The following VWC2L variants were observed in gnomAD, a reference collection of about 807,000 sequenced individuals.
VWC2L encodes von Willebrand factor C domain containing 2 like, also known as von Willebrand factor C domain-containing protein 2-like.
VWC2L carries 10 observed loss-of-function variants against 21.6 expected under a neutral mutation model. The observed-to-expected ratio is 0.46, with a 90% confidence interval of 0.29 to 0.78. The LOEUF is 0.78. Ranked by LOEUF, VWC2L falls within the 30% of genes least tolerant of loss-of-function variation. The probability of loss-of-function intolerance (pLI) is 0.10; values close to 1 mark genes in which losing one functional copy is unlikely to be tolerated. For synonymous variants in VWC2L, 96 were observed against 94.3 expected (o/e 1.02, Z -0.10); for missense variants, 209 against 277.1 (o/e 0.75, Z 1.74).
At chr2:214,443,257 A>G (rs1702788256) in intron 3 of VWC2L, among the ~76,000 whole-genome samples, 1 of 152,140 alleles carries the variant, frequency 6.6e-6, no homozygotes, top group Non-Finnish European at 1.5e-5. Flanking sequence ...CTGTAATCCC[A>G]GCTACTCAGG....
chr2:214,457,915 C>T (rs1342028975), intron 3 of VWC2L, among the ~76,000 whole-genome samples: 1 of 151,996 alleles, frequency 6.6e-6, no homozygotes. Context: ...GGGATATTGA[C>T]CTGTAGTTTT....
At chr2:214,461,426 A>G (rs1219995915) in intron 3 of VWC2L, among the ~76,000 whole-genome samples, 1 of 152,182 alleles carries the variant, frequency 6.6e-6, no homozygotes, top group Non-Finnish European at 1.5e-5. Flanking sequence ...GCCAGTCCTC[A>G]GGCCCCCAAA....
intron 3 of VWC2L, among the ~76,000 whole-genome samples, chr2:214,488,620 C>T (rs1574593066): frequency 6.6e-6 from 1 of 152,042 alleles, no homozygotes; most frequent in Non-Finnish European, 1.5e-5. Context: ...AAAACAAAAA[C>T]CCTGTTAGGC....
chr2:214,422,178 G>A (rs1276526432), intron 2 of VWC2L, among the ~76,000 whole-genome samples: 8 of 151,908 alleles, frequency 5.3e-5, no homozygotes, highest in Admixed American at 2.0e-4. Context: ...GTGAGCCACC[G>A]CGCCCGGCCT....
intron 3 of VWC2L, among the ~76,000 whole-genome samples, chr2:214,503,379 TAAAGAA>T (rs767877301): frequency 1.0e-3 from 156 of 152,208 alleles, no homozygotes; most frequent in Non-Finnish European, 1.7e-3. Flanking sequence ...AAACTTAGGT[TAAAGAA>T]AATGTTTTAA....
intron 3 of VWC2L, among the ~76,000 whole-genome samples, chr2:214,556,379 T>C (rs1365833224): frequency 3.3e-5 from 5 of 152,226 alleles, no homozygotes; most frequent in African/African-American, 4.8e-5. Context: ...ACACAAACAG[T>C]TGGCAAATTT....
chr2:214,532,348 C>G (rs1246100447), intron 3 of VWC2L, among the ~76,000 whole-genome samples: 2 of 151,584 alleles, frequency 1.3e-5, no homozygotes, highest in African/African-American at 4.8e-5. Flanking sequence ...ATGGATATTA[C>G]TGAGGTAAGA....
intron 3 of VWC2L, among the ~76,000 whole-genome samples, chr2:214,473,517 C>T (rs1703340283): frequency 6.6e-6 from 1 of 152,102 alleles, no homozygotes; most frequent in African/African-American, 2.4e-5. Context: ...GTGAGAAAAG[C>T]ATGGAGGACA....
chr2:214,513,279 A>T (rs1217616799), intron 3 of VWC2L, among the ~76,000 whole-genome samples: 1 of 152,114 alleles, frequency 6.6e-6, no homozygotes, highest in African/African-American at 2.4e-5. Context: ...GGCTTCCTTC[A>T]TCTTGAAATT....
intron 2 of VWC2L, among the ~76,000 whole-genome samples, chr2:214,418,826 G>A (rs917482688): frequency 1.8e-4 from 27 of 152,202 alleles, no homozygotes; most frequent in African/African-American, 6.0e-4. Context: ...AGTTAAAATG[G>A]CACACATTGT....
At chr2:214,573,783 A>G (rs1214653468) in intron 3 of VWC2L, among the ~76,000 whole-genome samples, 1 of 152,218 alleles carries the variant, frequency 6.6e-6, no homozygotes, top group East Asian at 1.9e-4. Flanking sequence ...CCCAAGACCT[A>G]TGGAATTAAT....
chr2:214,465,070 A>G (rs1462388020), intron 3 of VWC2L, among the ~76,000 whole-genome samples: 1 of 152,116 alleles, frequency 6.6e-6, no homozygotes, highest in African/African-American at 2.4e-5. Flanking sequence ...ATACCAAAAA[A>G]GCTGTCCATG....
rs1231082356 is a variant in VWC2L at position 214,575,839 on chromosome 2, G to T, written c.*19G>T. The T allele has an allele frequency of 7.5e-6, 12 of 1,607,328 alleles. No individual in the cohort carries two copies. The highest frequency in any genetic ancestry group is 1.0e-5 in the Non-Finnish European group (12 of 1,175,032). ...TGTGTAGGACAAACTTCCACCCAAT[G>T]ATGAGTTCTTAGGAAAGGATGCTAT... is the stretch of plus-strand genomic sequence containing the variant. On this transcript the variant is annotated 3_prime_UTR_variant, in exon 4 of 4. Transcript: ENST00000312504.
At chr2:214,524,640 G>A (rs1470408872) in intron 3 of VWC2L, among the ~76,000 whole-genome samples, 1 of 152,186 alleles carries the variant, frequency 6.6e-6, no homozygotes, top group Non-Finnish European at 1.5e-5. Flanking sequence ...GCAAGTGAGA[G>A]CCACATGGTC....
At chr2:214,502,223 T>G (rs993291782) in intron 3 of VWC2L, among the ~76,000 whole-genome samples, 8 of 152,132 alleles carry the variant, frequency 5.3e-5, no homozygotes, top group Non-Finnish European at 1.0e-4. Context: ...TAAATATCAG[T>G]GATTATTATG....
chr2:214,521,784 T>A (rs1416281518), intron 3 of VWC2L, among the ~76,000 whole-genome samples: 1 of 152,222 alleles, frequency 6.6e-6, no homozygotes, highest in African/African-American at 2.4e-5. Flanking sequence ...GCACACATCA[T>A]CTTGGCTTTG....
At chr2:214,455,470 T>TG (rs1703042446) in intron 3 of VWC2L, among the ~76,000 whole-genome samples, 1 of 152,214 alleles carries the variant, frequency 6.6e-6, no homozygotes, top group Non-Finnish European at 1.5e-5. Context: ...GTCAAATGCA[T>TG]GGAATGTGTA....
intron 3 of VWC2L, among the ~76,000 whole-genome samples, chr2:214,561,373 C>T (rs1689968004): frequency 6.6e-6 from 1 of 152,140 alleles, no homozygotes; most frequent in Non-Finnish European, 1.5e-5. Context: ...CATAATTCTT[C>T]TAGGCTGGTG....
chr2:214,450,776 G>T (rs149311716), intron 3 of VWC2L, among the ~76,000 whole-genome samples: 2 of 152,064 alleles, frequency 1.3e-5, no homozygotes, highest in Non-Finnish European at 2.9e-5. Flanking sequence ...TGAGGGGAAT[G>T]GTTGCCCTTT....
Sources: allele counts gnomAD v4.1 joint callset (sites outside exome capture counted in the v4.1 genomes callset), GRCh38; gene constraint gnomAD v4.1.1; transcripts MANE v1.5; gene names NCBI Gene and HGNC (gene_info 2026-07-23, HGNC 2026-07-21).